Variants in USH2A observed in about 807,000 individuals in gnomAD.
USH2A encodes the protein usherin, also known as Usher syndrome 2A (autosomal recessive, mild).
In USH2A, 443 loss-of-function variants were observed where a neutral mutation model predicts 538.9. The observed-to-expected ratio is 0.82, with a 90% CI of 0.76 to 0.89. The LOEUF (loss-of-function observed/expected upper bound fraction) is 0.89, where lower values mean the gene tolerates loss of function less well. USH2A is among the 40% of genes least tolerant of loss of function. The pLI, the probability that USH2A is intolerant of heterozygous loss-of-function variation, is 0.00. For missense variants in USH2A, 6,633 were observed against 6,324.8 expected (o/e 1.05, Z -1.65); for synonymous variants, 2,413 against 2,273.5 (o/e 1.06, Z -1.75).
At chr1:215,953,956 T>C (rs1219146618) in intron 37 of USH2A, among the ~76,000 whole-genome samples, 3 of 152,082 alleles carry the variant, frequency 2.0e-5, no homozygotes, top group African/African-American at 4.8e-5. Flanking sequence ...AAAGGACACA[T>C]GAAAAAATGC....
intron 22 of USH2A, among the ~76,000 whole-genome samples, chr1:216,095,951 G>A (rs774939357): frequency 1.3e-5 from 2 of 152,136 alleles, no homozygotes; most frequent in Non-Finnish European, 2.9e-5. Flanking sequence ...CAAGCATAAC[G>A]TGTGATTTAG....
At chr1:215,935,329 G>A (rs1206678993) in intron 37 of USH2A, among the ~76,000 whole-genome samples, 4 of 151,798 alleles carry the variant, frequency 2.6e-5, no homozygotes, top group Admixed American at 1.3e-4. Context: ...CTTGAAATGT[G>A]GGTGGATTTC....
intron 38 of USH2A, among the ~76,000 whole-genome samples, chr1:215,903,882 T>C (rs1386181498): frequency 6.6e-6 from 1 of 152,140 alleles, no homozygotes; most frequent in African/African-American, 2.4e-5. Flanking sequence ...GGGCCAACTA[T>C]CCACTTCTTA....
rs147461345 is a variant in USH2A, at chr1:215,800,500, A to C, written c.9740-1375T>G. 2.1e-4 allele frequency among the ~76,000 whole-genome samples: 32 copies of C among 152,304 alleles called. No individual in the cohort carries two copies. The East Asian group carries it at 5.4e-3, about 26-fold the overall frequency. Reference sequence around the variant, plus strand: ...AATTAATGACTTGTCAAGCTTTCTTAAGAAATGGCACAAATCCACTGAAGA... The same window carrying C: ...AATTAATGACTTGTCAAGCTTTCTTCAGAAATGGCACAAATCCACTGAAGA... On this transcript the variant is annotated intron_variant, in intron 49 of 71. Transcript: ENST00000307340.
intron 61 of USH2A, among the ~76,000 whole-genome samples, chr1:215,708,287 G>C (rs966417971): frequency 1.3e-5 from 2 of 152,234 alleles, no homozygotes; most frequent in East Asian, 1.9e-4. Context: ...CTTCAAGAGG[G>C]AAGCATTTTT....
intron 4 of USH2A, among the ~76,000 whole-genome samples, chr1:216,338,255 C>T (rs1488390159): frequency 6.6e-6 from 1 of 151,502 alleles, no homozygotes; most frequent in East Asian, 1.9e-4. Flanking sequence ...AGTGCTATAG[C>T]TTTTGGCAAG....
intron 61 of USH2A, among the ~76,000 whole-genome samples, chr1:215,698,425 T>C (rs2102687567): frequency 6.6e-6 from 1 of 152,326 alleles, no homozygotes; most frequent in East Asian, 1.9e-4. Flanking sequence ...GTTAAACTAA[T>C]TTACACTCCC....
chr1:215,690,714 A>G (rs1432780006), intron 61 of USH2A, among the ~76,000 whole-genome samples: 6 of 125,856 alleles, frequency 4.8e-5, no homozygotes, highest in Non-Finnish European at 8.5e-5. Context: ...TAGGCCAAAA[A>G]CTTTGGATTC....
intron 32 of USH2A, among the ~76,000 whole-genome samples, chr1:216,010,525 T>C (rs1175972919): frequency 1.3e-5 from 2 of 151,742 alleles, no homozygotes; most frequent in Non-Finnish European, 2.9e-5. Context: ...ATGCCGAGCT[T>C]TAGGTAACTC....
intron 55 of USH2A, among the ~76,000 whole-genome samples, chr1:215,777,357 A>G (rs963237799): frequency 5.3e-5 from 8 of 152,212 alleles, no homozygotes; most frequent in Non-Finnish European, 1.0e-4. Context: ...TTACAATTGA[A>G]TTTGGTCTGT....
chr1:216,178,990 A>G (rs1358809493), intron 20 of USH2A, among the ~76,000 whole-genome samples: 1 of 152,124 alleles, frequency 6.6e-6, no homozygotes, highest in Non-Finnish European at 1.5e-5. Context: ...GTTGAGAAGA[A>G]GTATGAATAT....
chr1:215,774,451 T>G (rs912844914), intron 55 of USH2A, among the ~76,000 whole-genome samples: 1 of 151,846 alleles, frequency 6.6e-6, no homozygotes, highest in South Asian at 2.1e-4. Context: ...TTAATGTTGA[T>G]GTATATCTGG....
intron 13 of USH2A, among the ~76,000 whole-genome samples, chr1:216,233,994 T>A (rs1333843228): frequency 6.6e-6 from 1 of 152,170 alleles, no homozygotes; most frequent in Admixed American, 6.6e-5. Flanking sequence ...AGGATTCTAA[T>A]GAATACAGTT....
At chr1:215,855,841 T>C (rs1288973149) in intron 44 of USH2A, among the ~76,000 whole-genome samples, 1 of 152,172 alleles carries the variant, frequency 6.6e-6, no homozygotes, top group Non-Finnish European at 1.5e-5. Flanking sequence ...AATAGGCATA[T>C]AGACCAATGA....
rs1558185688 is a variant in USH2A at position 215,965,922 on chromosome 1, G to GACACAC, written c.6958-444_6958-443insGTGTGT. ...CATATCTTGACTCTCTCTCTTCTCT[G>GACACAC]TCACACACACACACACACACACACA... On this transcript the variant is annotated intron_variant, in intron 36 of 71. Coordinates refer to ENST00000307340, the MANE Select transcript of USH2A (RefSeq NM_206933.4). Among the ~76,000 whole-genome samples, 48 of 87,376 alleles carry GACACAC rather than the reference G, an allele frequency of 5.5e-4. 1 individual carries two copies. Among genetic ancestry groups the GACACAC allele is most frequent in the Admixed American group, 2.5e-4 (2 of 7,998 alleles). 57.3% of individuals were successfully genotyped at this position (87,376 alleles called of 152,430 possible). A position where few individuals can be genotyped will look rare whatever the true frequency, so the allele number is the denominator to read the frequency against.
At chr1:215,863,649 AAG>A (rs35657853) in intron 44 of USH2A, among the ~76,000 whole-genome samples, 5,072 of 140,448 alleles carry the variant, frequency 0.036, 142 homozygotes, top group East Asian at 0.16. Context: ...AATAGGAAGA[AAG>A]AGAGAGAGAG....
chr1:216,421,783 G>C, intron 2 of USH2A, 69 bp downstream of exon 2: 1 of 1,610,780 alleles, frequency 6.2e-7, no homozygotes, highest in Non-Finnish European at 8.5e-7. Flanking sequence ...TTGGAATTCA[G>C]GCTGAAATGA....
chr1:215,834,245 T>C lies in USH2A; in HGVS notation c.9371+3746A>G, dbSNP rs144645954. ...CACACAAAAACCTGTATATAGATGTTTTACAGCAACTTTAATCGTGGTCAC... is the reference window on the plus strand; with the variant it reads ...CACACAAAAACCTGTATATAGATGTCTTACAGCAACTTTAATCGTGGTCAC... On this transcript the variant is annotated intron_variant, in intron 47 of 71. Coordinates refer to ENST00000307340, the MANE Select transcript of USH2A (RefSeq NM_206933.4). Among the ~76,000 whole-genome samples the C allele has an allele frequency of 6.5e-3, 996 of 152,236 alleles. 10 individuals carry two copies. Among genetic ancestry groups the C allele is most frequent in the Admixed American group, 7.9e-3 (120 of 15,282 alleles).
chr1:216,297,900 G>A (rs1021436949), intron 9 of USH2A, among the ~76,000 whole-genome samples: 7 of 152,164 alleles, frequency 4.6e-5, no homozygotes, highest in African/African-American at 1.7e-4. Flanking sequence ...TTGGATAAAT[G>A]AAAGAATAGA....
Sources: gnomAD v4.1 joint callset for allele counts (sites outside exome capture counted in the v4.1 genomes callset) on GRCh38, gnomAD v4.1.1 for gene constraint, MANE v1.5 for transcripts, NCBI Gene and HGNC (gene_info 2026-07-23, HGNC 2026-07-21) for gene names.